The following MARK3 variants were observed in gnomAD, a reference collection of about 807,000 sequenced individuals.
MARK3 encodes the protein microtubule affinity regulating kinase 3.
Under a neutral mutation model 90.1 loss-of-function variants are expected in MARK3, and 46 were observed. That is an observed-to-expected ratio of 0.51 (90% CI 0.40 to 0.65). MARK3 has a LOEUF of 0.65. Ranked by LOEUF, MARK3 falls within the 30% of genes least tolerant of loss-of-function variation. The pLI, the probability that MARK3 is intolerant of heterozygous loss-of-function variation, is 0.00. For synonymous variants in MARK3, 321 were observed against 332.6 expected (o/e 0.97, Z 0.38); for missense variants, 818 against 947.2 (o/e 0.86, Z 1.79).
At chr14:103,449,634 T>C (rs552823074) in intron 4 of MARK3, among the ~76,000 whole-genome samples, 20 of 152,138 alleles carry the variant, frequency 1.3e-4, no homozygotes, top group Non-Finnish European at 2.6e-4. Flanking sequence ...TGCTAGTAGG[T>C]GTGTTTAAAG....
At chr14:103,496,248 C>A (rs1272567716) in intron 15 of MARK3, among the ~76,000 whole-genome samples, 1 of 152,132 alleles carries the variant, frequency 6.6e-6, no homozygotes, top group African/African-American at 2.4e-5. Context: ...AAAAGCACTT[C>A]TATAGTAATT....
chr14:103,496,514 G>A (rs1395846601), intron 15 of MARK3, among the ~76,000 whole-genome samples: 1 of 152,014 alleles, frequency 6.6e-6, no homozygotes, highest in East Asian at 2.0e-4. Flanking sequence ...CTGGGTTCAA[G>A]CGATTATCCT....
At chr14:103,486,221 C>A (rs2093927122) in intron 14 of MARK3, among the ~76,000 whole-genome samples, 1 of 151,990 alleles carries the variant, frequency 6.6e-6, no homozygotes, top group South Asian at 2.1e-4. Flanking sequence ...AGTGCATCAC[C>A]TGGGGTCGGG....
rs61200962 is a variant in MARK3, at chr14:103,409,435, TAAAAAAAAAAAA to T, written c.243+4187_243+4198del. ...TGCACATGTATCCCAGAACTTAAAG[TAAAAAAAAAAAA>T]AAAAAAAAAAAAAAAAAAGGAAAAA... On this transcript the variant is annotated intron_variant, in intron 2 of 17. Coordinates refer to ENST00000429436, the MANE Select transcript of MARK3 (RefSeq NM_001128918.3). Among the ~76,000 whole-genome samples, 214 of 93,444 alleles carry T rather than the reference TAAAAAAAAAAAA, an allele frequency of 2.3e-3. 5 individuals carry two copies. Among genetic ancestry groups the T allele is most frequent in the African/African-American group, 2.1e-3 (50 of 24,122 alleles). The allele number at this position is 93,444 out of a possible 152,430, so 61.3% of individuals were successfully genotyped here.
intron 15 of MARK3, among the ~76,000 whole-genome samples, chr14:103,494,903 T>G (rs1156618027): frequency 6.6e-6 from 1 of 152,136 alleles, no homozygotes; most frequent in African/African-American, 2.4e-5. Flanking sequence ...AAAGCTACCA[T>G]TATTTGAATG....
Position 103,467,291 on chromosome 14 carries a change from A to T in MARK3, c.1110+100A>T, listed in dbSNP as rs951856422. ...ATCTTTTGAATATTTGTAACATTTGATACATCATTTTTTAGATTTACTTGC... is the reference window on the plus strand; with the variant it reads ...ATCTTTTGAATATTTGTAACATTTGTTACATCATTTTTTAGATTTACTTGC... On this transcript the variant is annotated intron_variant, in intron 11 of 17. Coordinates refer to ENST00000429436, the MANE Select transcript of MARK3 (RefSeq NM_001128918.3). 7 of 566,362 alleles carry T rather than the reference A, an allele frequency of 1.2e-5. No homozygotes were observed. In the African/African-American group the frequency reaches 1.4e-4, roughly 11 times the overall value. 35.1% of individuals were successfully genotyped at this position (566,362 alleles called of 1,614,324 possible).
chr14:103,463,273 C>G lies in MARK3; in HGVS notation c.540+812C>G, dbSNP rs572455386. On this transcript the variant is annotated intron_variant, in intron 7 of 17. Coordinates refer to ENST00000429436, the MANE Select transcript of MARK3 (RefSeq NM_001128918.3). Reference sequence around the variant, plus strand: ...ATTCTGTGTCTTAACTTGGCACTCACTTTCACTCTCCCCTTACGTAATTGC... The same window carrying G: ...ATTCTGTGTCTTAACTTGGCACTCAGTTTCACTCTCCCCTTACGTAATTGC... 2.0e-5 allele frequency among the ~76,000 whole-genome samples: 3 copies of G among 152,048 alleles called. No homozygotes were observed. In the South Asian group the frequency reaches 6.2e-4, roughly 32 times the overall value.
chr14:103,454,214 C>G (rs984524881), intron 5 of MARK3, among the ~76,000 whole-genome samples: 1 of 151,700 alleles, frequency 6.6e-6, no homozygotes, highest in African/African-American at 2.4e-5. Context: ...AGCCTTTAAT[C>G]ATTTAATCGA....
chr14:103,386,178 T>C, intron 1 of MARK3, 98 bp downstream of exon 1: 2 of 1,194,654 alleles, frequency 1.7e-6, no homozygotes, highest in Non-Finnish European at 2.5e-6. Context: ...AGCCGAACGC[T>C]CTGGAAATAG....
chr14:103,476,174 G>A (rs1282241718), intron 13 of MARK3, among the ~76,000 whole-genome samples: 1 of 152,168 alleles, frequency 6.6e-6, no homozygotes, highest in Non-Finnish European at 1.5e-5. Flanking sequence ...CTGAGCCTTA[G>A]GTTGTCAGGT....
intron 15 of MARK3, among the ~76,000 whole-genome samples, chr14:103,497,213 TA>T (rs1332149778): frequency 6.6e-6 from 1 of 152,256 alleles, no homozygotes; most frequent in East Asian, 1.9e-4. Flanking sequence ...TGCTGTATAC[TA>T]CTGATCTGAT....
rs71460673 is a variant in MARK3, at chr14:103,407,554, C to CTTTTTTTTTT, written c.243+2303_243+2312dup. 7.0e-4 allele frequency among the ~76,000 whole-genome samples: 50 copies of CTTTTTTTTTT among 71,664 alleles called. 3 individuals carry two copies. Among genetic ancestry groups the CTTTTTTTTTT allele is most frequent in the East Asian group, 2.1e-3 (4 of 1,870 alleles). The allele number at this position is 71,664 out of a possible 152,430, so 47.0% of individuals were successfully genotyped here. A position where few individuals can be genotyped will look rare whatever the true frequency, so the allele number is the denominator to read the frequency against. ...ATATGGTACAGAGCCTGTTTTGCCT[C>CTTTTTTTTTT]TTTTTTTTTTTTTTTTTTTTTTTTT... is the stretch of plus-strand genomic sequence containing the variant. On this transcript the variant is annotated intron_variant, in intron 2 of 17. Transcript: ENST00000429436.
intron 2 of MARK3, among the ~76,000 whole-genome samples, chr14:103,422,658 A>G (rs536025933): frequency 6.6e-6 from 1 of 152,202 alleles, no homozygotes; most frequent in East Asian, 1.9e-4. Context: ...CCACTGTGCC[A>G]CCTTCTAATA....
intron 3 of MARK3, chr14:103,429,187 T>G (rs1484775563): frequency 2.6e-5 from 4 of 152,222 alleles, no homozygotes; most frequent in African/African-American, 9.6e-5. Flanking sequence ...TTCATTTGAT[T>G]TCTAGATTTG....
rs34942342 is a variant in MARK3, at chr14:103,462,033, TA to T, written c.484-352del. On this transcript the variant is annotated intron_variant, in intron 6 of 17. Coordinates refer to ENST00000429436, the MANE Select transcript of MARK3 (RefSeq NM_001128918.3). Reference sequence around the variant, plus strand: ...CCTGGGTGACAGAACGAGACTCTGTTAAAAAAAAAAAAAAAAAAAAGTTGCA... The same window carrying T: ...CCTGGGTGACAGAACGAGACTCTGTTAAAAAAAAAAAAAAAAAAAGTTGCA... 8.7e-3 allele frequency among the ~76,000 whole-genome samples: 1,227 copies of T among 140,484 alleles called. 19 individuals are homozygous for T. Among genetic ancestry groups the T allele is most frequent in the African/African-American group, 0.028 (1,031 of 37,368 alleles). 92.2% of individuals were successfully genotyped at this position (140,484 alleles called of 152,430 possible).
chr14:103,466,811 C>T (rs1453793797), intron 10 of MARK3, among the ~76,000 whole-genome samples: 8 of 151,938 alleles, frequency 5.3e-5, no homozygotes, highest in Non-Finnish European at 1.2e-4. Context: ...TCGAGGCCAG[C>T]CTGACCAACA....
intron 2 of MARK3, among the ~76,000 whole-genome samples, chr14:103,409,057 G>T (rs142934241): frequency 4.6e-5 from 7 of 152,226 alleles, no homozygotes; most frequent in South Asian, 2.1e-4. Flanking sequence ...TGAGACAGAC[G>T]AACCTCTTCC....
intron 14 of MARK3, among the ~76,000 whole-genome samples, chr14:103,488,489 C>T (rs990241711): frequency 6.6e-6 from 1 of 152,194 alleles, no homozygotes; most frequent in African/African-American, 2.4e-5. Flanking sequence ...CTTTATAAGA[C>T]ATTTGTTTCC....
At chr14:103,470,455 A>ATTTTTTTTTTTGTTTTTTT (rs2093605076) in intron 12 of MARK3, among the ~76,000 whole-genome samples, 1 of 55,050 alleles carries the variant, frequency 1.8e-5, no homozygotes, top group Non-Finnish European at 3.4e-5. Context: ...AACTAAATCT[A>ATTTTTTTTTTTGTTTTTTT]TTTTTTTTTT....
Sources: gnomAD v4.1 joint callset for allele counts (sites outside exome capture counted in the v4.1 genomes callset) on GRCh38, gnomAD v4.1.1 for gene constraint, MANE v1.5 for transcripts, NCBI Gene and HGNC (gene_info 2026-07-23, HGNC 2026-07-21) for gene names.